Variants in USP15 observed in about 807,000 individuals in gnomAD.
The protein encoded by USP15 is ubiquitin carboxyl-terminal hydrolase 15.
Under a neutral mutation model 127.1 loss-of-function variants are expected in USP15, and 18 were observed. The observed-to-expected ratio is 0.14, with a 90% CI of 0.10 to 0.21. The LOEUF is 0.21. Among genes scored for constraint, USP15 ranks in the 10% least tolerant of loss-of-function variants. The pLI, the probability that USP15 is intolerant of heterozygous loss-of-function variation, is 1.00. For missense variants in USP15, 805 were observed against 1,159.9 expected, an observed-to-expected ratio of 0.69 and a Z score of 4.44; for synonymous variants, 364 against 393.7, an observed-to-expected ratio of 0.92 and a Z score of 0.89.
chr12:62,336,077 T>A, intron 6 of USP15: 1 of 985,424 alleles, frequency 1.0e-6, no homozygotes, highest in Non-Finnish European at 1.2e-6. Flanking sequence ...ACTAACTGTT[T>A]GCAGCAGCTC....
At chr12:62,376,382 G>C (rs2066829594) in intron 8 of USP15, among the ~76,000 whole-genome samples, 2 of 152,010 alleles carry the variant, frequency 1.3e-5, no homozygotes. Flanking sequence ...AGGACCAACA[G>C]TAGGTACCAT....
At chr12:62,322,397 A>G (rs1565853073) in intron 5 of USP15, among the ~76,000 whole-genome samples, 3 of 152,010 alleles carry the variant, frequency 2.0e-5, no homozygotes. Flanking sequence ...CAGCCTCCCA[A>G]AGTGCTGGGA....
intron 8 of USP15, among the ~76,000 whole-genome samples, chr12:62,359,131 A>G (rs929742122): frequency 1.3e-5 from 2 of 151,900 alleles, no homozygotes; most frequent in Non-Finnish European, 2.9e-5. Flanking sequence ...GGTTGGGTGA[A>G]GTTCCCAGAA....
chr12:62,302,350 C>T (rs1220827008), intron 2 of USP15, among the ~76,000 whole-genome samples: 1 of 152,102 alleles, frequency 6.6e-6, no homozygotes, highest in African/African-American at 2.4e-5. Context: ...ACAGTTACTC[C>T]ATAGTATTTT....
Position 62,391,392 on chromosome 12 carries a change from G to A in USP15, c.2196G>A (p.Arg732=), listed in dbSNP as rs2137619659. 2 of 1,611,966 alleles carry A rather than the reference G, an allele frequency of 1.2e-6. No individual in the cohort carries two copies. The highest frequency in any genetic ancestry group is 2.2e-5 in the East Asian group (1 of 44,736). The change falls in exon 16 of 22, where the codon AGG becomes AGA. Residue 732 remains arginine (R), a synonymous_variant. Transcript: ENST00000280377. ...TCAACTACATCAAAGATGATACCAGGCATATAAGATTTGATGATAGGCAGC... is the reference window on the plus strand; with the variant it reads ...TCAACTACATCAAAGATGATACCAGACATATAAGATTTGATGATAGGCAGC... ...TDINYIKDDT[R]HIRFDDRQLR... is the part of the protein sequence containing the mutation.
chr12:62,336,424 T>C (rs966605064), intron 6 of USP15: 1 of 985,314 alleles, frequency 1.0e-6, no homozygotes, highest in African/African-American at 1.7e-5. Context: ...CAGCCTTTCT[T>C]CTCTTGTCTA....
chr12:62,282,737 C>T (rs1234596692), intron 1 of USP15, among the ~76,000 whole-genome samples: 1 of 152,028 alleles, frequency 6.6e-6, no homozygotes, highest in African/African-American at 2.4e-5. Flanking sequence ...AATAATGACC[C>T]AAAATGCAAG....
At chr12:62,291,003 T>G (rs1327939444) in intron 1 of USP15, among the ~76,000 whole-genome samples, 1 of 152,168 alleles carries the variant, frequency 6.6e-6, no homozygotes, top group Non-Finnish European at 1.5e-5. Flanking sequence ...TGATGGAGTT[T>G]CCTTTGTAGG....
In USP15 at chr12:62,409,363, T is replaced by A. The variant is rs950565379; in HGVS notation, c.*4988T>A. On this transcript the variant is annotated 3_prime_UTR_variant, in exon 22 of 22. Coordinates refer to ENST00000280377, the MANE Select transcript of USP15 (RefSeq NM_001252078.2). ...AAATCAGTCAAATGGGTTTTGATAT[T>A]TTTTTTTCCTAGAAATGTGTAGCAA... 1.3e-5 allele frequency: 2 copies of A among 151,948 alleles called. No individual in the cohort carries two copies. Among genetic ancestry groups the A allele is most frequent in the African/African-American group, 4.8e-5 (2 of 41,390 alleles). The allele number at this position is 151,948 out of a possible 1,614,324, so 9.4% of individuals were successfully genotyped here.
At chr12:62,309,616 C>T (rs918041041) in intron 3 of USP15, among the ~76,000 whole-genome samples, 1 of 152,024 alleles carries the variant, frequency 6.6e-6, no homozygotes, top group Non-Finnish European at 1.5e-5. Flanking sequence ...AGAAAAATTA[C>T]AGGCTGGTCT....
At chr12:62,264,800 A>G (rs1453782700) in intron 1 of USP15, among the ~76,000 whole-genome samples, 1 of 152,254 alleles carries the variant, frequency 6.6e-6, no homozygotes, top group Non-Finnish European at 1.5e-5. Context: ...ATGAATTTCA[A>G]AATATTTAGT....
intron 8 of USP15, chr12:62,374,293 G>T: frequency 1.3e-6 from 1 of 774,120 alleles, no homozygotes; most frequent in Non-Finnish European, 1.6e-6. Flanking sequence ...TTTAAGGGTT[G>T]TGAGTGGTAT....
chr12:62,310,913 TAACCATTA>T (rs1389731502), intron 3 of USP15, among the ~76,000 whole-genome samples: 2 of 152,052 alleles, frequency 1.3e-5, no homozygotes, highest in Non-Finnish European at 2.9e-5. Context: ...TTTTTAATAA[TAACCATTA>T]TGGCTTGGTT....
At chr12:62,356,661 T>C (rs1203444112) in intron 8 of USP15, among the ~76,000 whole-genome samples, 1 of 152,002 alleles carries the variant, frequency 6.6e-6, no homozygotes. Flanking sequence ...CCTTTAAATC[T>C]TCAAATGAGT....
chr12:62,349,435 G>C lies in USP15; in HGVS notation c.770+128G>C, dbSNP rs1050535779. ...AAAATTGGTTTTCTTTTAAATTACC[G>C]GTCAGTTCTTCCATGAGTAACAACA... On this transcript the variant is annotated intron_variant, in intron 7 of 21. Coordinates refer to ENST00000280377, the MANE Select transcript of USP15 (RefSeq NM_001252078.2). 1.8e-5 allele frequency: 9 copies of C among 498,700 alleles called. No homozygotes were observed. The South Asian group carries it at 5.9e-4, about 33-fold the overall frequency. The allele number at this position is 498,700 out of a possible 1,614,324, so 30.9% of individuals were successfully genotyped here.
chr12:62,286,541 A>G (rs1481746517), intron 1 of USP15, among the ~76,000 whole-genome samples: 2 of 152,192 alleles, frequency 1.3e-5, no homozygotes, highest in Non-Finnish European at 2.9e-5. Context: ...AAATCATTCT[A>G]CCAAAAAGAC....
At chr12:62,287,026 A>T (rs1350044075) in intron 1 of USP15, among the ~76,000 whole-genome samples, 1 of 152,250 alleles carries the variant, frequency 6.6e-6, no homozygotes, top group Admixed American at 6.5e-5. Flanking sequence ...AGCAACATGG[A>T]TGCAGCTGGA....
chr12:62,336,394 G>C (rs1211844361), intron 6 of USP15: 1 of 985,188 alleles, frequency 1.0e-6, no homozygotes, highest in Non-Finnish European at 1.2e-6. Flanking sequence ...CCATCCAAGA[G>C]CCATCCTGAG....
rs111278059 is a variant in USP15, at chr12:62,396,165, T to G, written c.2571-130T>G. ...ATTTCCTTAGTGAGATATATATATA[T>G]ATAGATAGATATATATAGATGGATA... On this transcript the variant is annotated intron_variant, in intron 19 of 21. Coordinates refer to ENST00000280377, the MANE Select transcript of USP15 (RefSeq NM_001252078.2). 8.7e-4 allele frequency: 351 copies of G among 403,872 alleles called. 2 individuals carry two copies. Among genetic ancestry groups the G allele is most frequent in the African/African-American group, 3.0e-3 (141 of 47,340 alleles). The allele number at this position is 403,872 out of a possible 1,614,324, so 25.0% of individuals were successfully genotyped here. A position where few individuals can be genotyped will look rare whatever the true frequency, so the allele number is the denominator to read the frequency against.
Sources: allele counts gnomAD v4.1 joint callset (sites outside exome capture counted in the v4.1 genomes callset), GRCh38; gene constraint gnomAD v4.1.1; transcripts MANE v1.5; gene names NCBI Gene and HGNC (gene_info 2026-07-23, HGNC 2026-07-21).